AGO2: variants seen among roughly 807,000 people sequenced by gnomAD.
The protein encoded by AGO2 is protein argonaute-2.
A neutral mutation model predicts 102.3 loss-of-function variants in AGO2; 5 were observed. The observed-to-expected ratio is 0.05, with a 90% CI of 0.03 to 0.10. AGO2 has a LOEUF of 0.10. AGO2 is among the 10% of genes least tolerant of loss of function. The probability of loss-of-function intolerance (pLI) is 1.00; values close to 1 mark genes in which losing one functional copy is unlikely to be tolerated. For synonymous variants in AGO2, 449 were observed against 473.1 expected (o/e 0.95, Z 0.66); for missense variants, 541 against 1,183.7 (o/e 0.46, Z 7.97).
At position 140,531,269 on chromosome 8, in the gene AGO2, T is replaced by C. The variant is rs2072590452; in HGVS notation, c.*775A>G. The C allele has an allele frequency of 6.5e-6, 1 of 152,686 alleles. No individual in the cohort carries two copies. The highest frequency in any genetic ancestry group is 2.4e-5 in the African/African-American group (1 of 41,470). The allele number at this position is 152,686 out of a possible 1,614,324, so 9.5% of individuals were successfully genotyped here. ...ACAGACCCGTATTCTTTAAAAACTT[T>C]GGAAAATAAATGTCACAGTCCTATA... On this transcript the variant is annotated 3_prime_UTR_variant, in exon 19 of 19. Transcript: ENST00000220592.
intron 1 of AGO2, among the ~76,000 whole-genome samples, chr8:140,593,470 G>A (rs967101126): frequency 1.3e-5 from 2 of 150,788 alleles, no homozygotes; most frequent in Admixed American, 6.6e-5. Context: ...GGGATTACAG[G>A]TGTGAGCCAC....
chr8:140,535,641 G>A (rs939413717), intron 16 of AGO2, 72 bp from the exon 17 acceptor site: 34 of 1,456,260 alleles, frequency 2.3e-5, no homozygotes, highest in East Asian at 2.3e-4. Flanking sequence ...CCAGGCAGCC[G>A]CGCCGCCCGC....
Position 140,573,010 on chromosome 8 carries a change from T to TA in AGO2, c.216-79_216-78insT, listed in dbSNP as rs1491102995. The TA allele has an allele frequency of 4.7e-4, 10 of 21,272 alleles. No individual in the cohort carries two copies. In the African/African-American group the frequency reaches 7.7e-3, roughly 16 times the overall value. The allele number at this position is 21,272 out of a possible 1,614,324, so 1.3% of individuals were successfully genotyped here. On this transcript the variant is annotated intron_variant, in intron 2 of 18. Transcript: ENST00000220592. Reference sequence around the variant, plus strand: ...ATACAAGGACATTTTTCTGACGCTATTTTTTTTTTTTTTTTTGAGATGGAG... The same window carrying TA: ...ATACAAGGACATTTTTCTGACGCTATATTTTTTTTTTTTTTTTGAGATGGAG...
In AGO2 at chr8:140,539,264, G is replaced by A; in HGVS notation, c.2169+56C>T. ...CAGGTTCTCTTGTGAGTGTGCTCGG[G>A]GTGTGGGGCTGAGGGGAGAACCGTG... On this transcript the variant is annotated intron_variant, in intron 16 of 18. Coordinates refer to ENST00000220592, the MANE Select transcript of AGO2 (RefSeq NM_012154.5). This position sits in a 1 kb window ranked among gnomAD's most constrained non-coding sequence, Gnocchi z 4.7. The A allele has an allele frequency of 1.9e-6, 3 of 1,548,800 alleles. No individual in the cohort carries two copies. The highest frequency in any genetic ancestry group is 2.6e-6 in the Non-Finnish European group (3 of 1,145,640).
rs779967577 is a variant in AGO2, at chr8:140,585,153, T to C, written c.181A>G (p.Ile61Val). The part of the protein sequence containing the change: ...KIDIYHYELD[I>V]KPEKCPRRVN... ...CTCCTCGGGCACTTCTCTGGCTTGA[T>C]ATCCAATTCATAATGATAGATGTCA... The change falls in exon 2 of 19, where the codon ATC becomes GTC. Residue 61 changes from isoleucine (I) to valine (V), a missense_variant. Coordinates refer to ENST00000220592, the MANE Select transcript of AGO2 (RefSeq NM_012154.5). The C allele has an allele frequency of 3.6e-5, 58 of 1,614,108 alleles. No homozygotes were observed. The highest frequency in any genetic ancestry group is 4.7e-5 in the Non-Finnish European group (56 of 1,180,038).
chr8:140,568,099 A>C (rs2073317911), intron 3 of AGO2, among the ~76,000 whole-genome samples: 1 of 95,034 alleles, frequency 1.1e-5, no homozygotes, highest in South Asian at 4.8e-4. Flanking sequence ...CTCTACTAAA[A>C]ATACAAAAAA....
Position 140,522,561 on chromosome 8 carries a change from A to AC in AGO2, c.*9482_*9483insG, listed in dbSNP as rs201987591. ...AAAAAAAGAAACATGAAAAAAAAAA[A>AC]AAACCCTGAAAAAGTCGCAAGACTT... On this transcript the variant is annotated 3_prime_UTR_variant, in exon 19 of 19. Transcript: ENST00000220592. 1,111 of 151,042 alleles carry AC rather than the reference A, an allele frequency of 7.4e-3. 14 individuals carry two copies. Among genetic ancestry groups the AC allele is most frequent in the African/African-American group, 0.026 (1,051 of 41,066 alleles). 9.4% of individuals were successfully genotyped at this position (151,042 alleles called of 1,614,324 possible). A position where few individuals can be genotyped will look rare whatever the true frequency, so the allele number is the denominator to read the frequency against.
rs566947545 is a variant in AGO2 at position 140,604,760 on chromosome 8, G to A, written c.23-19449C>T. ...GAGAATGGAGTGAACCTGGGAGGTG[G>A]AGCTTGCAGTGAGCCGAGGTCGCGC... is the stretch of plus-strand genomic sequence containing the variant. On this transcript the variant is annotated intron_variant, in intron 1 of 18. Coordinates refer to ENST00000220592, the MANE Select transcript of AGO2 (RefSeq NM_012154.5). 5.4e-3 allele frequency among the ~76,000 whole-genome samples: 828 copies of A among 152,124 alleles called. 7 individuals are homozygous for A. The highest frequency in any genetic ancestry group is 0.019 in the African/African-American group (807 of 41,550).
intron 1 of AGO2, among the ~76,000 whole-genome samples, chr8:140,624,521 A>G (rs1278872455): frequency 6.6e-6 from 1 of 152,240 alleles, no homozygotes; most frequent in African/African-American, 2.4e-5. Context: ...ACGCCGGGCT[A>G]CACCCAGGAG....
intron 1 of AGO2, among the ~76,000 whole-genome samples, chr8:140,596,489 G>A (rs1382746192): frequency 6.6e-6 from 1 of 152,210 alleles, no homozygotes; most frequent in Non-Finnish European, 1.5e-5. Flanking sequence ...AGGCTGAGAT[G>A]GGATAATCAC....
At chr8:140,615,901 C>G (rs780453429) in intron 1 of AGO2, among the ~76,000 whole-genome samples, 1 of 152,236 alleles carries the variant, frequency 6.6e-6, no homozygotes, top group Non-Finnish European at 1.5e-5. Flanking sequence ...GACCAAATAC[C>G]TGCAAAGTCA....
At chr8:140,587,772 A>C (rs543614064) in intron 1 of AGO2, among the ~76,000 whole-genome samples, 3 of 152,212 alleles carry the variant, frequency 2.0e-5, no homozygotes, top group Non-Finnish European at 4.4e-5. Flanking sequence ...GGATGGTTCC[A>C]AAAGGGAATT....
intron 10 of AGO2, among the ~76,000 whole-genome samples, chr8:140,554,198 G>A (rs1430954833): frequency 1.3e-5 from 2 of 152,230 alleles, no homozygotes; most frequent in Non-Finnish European, 2.9e-5. Flanking sequence ...TGCCCTCCCG[G>A]GGCGTCTCCT....
intron 1 of AGO2, among the ~76,000 whole-genome samples, chr8:140,623,540 C>A (rs942928147): frequency 6.6e-6 from 1 of 152,174 alleles, no homozygotes. Context: ...CGGCTGGACA[C>A]GGGTCACACC....
chr8:140,567,333 GCTCTCC>G lies in AGO2; in HGVS notation c.337-4705_337-4700del, dbSNP rs1224439908. Among the ~76,000 whole-genome samples, 1 of 152,254 alleles carries G rather than the reference GCTCTCC, an allele frequency of 6.6e-6. No homozygotes were observed. The highest frequency in any genetic ancestry group is 2.4e-5 in the African/African-American group (1 of 41,474). ...ACGCCACGAGGGCAGGAGGCACATG[GCTCTCC>G]AAGGGACAGGCACCGTGTGCGTCTG... On this transcript the variant is annotated intron_variant, in intron 3 of 18. Transcript: ENST00000220592. The surrounding 1 kb of genome is among the most constrained non-coding windows in gnomAD (Gnocchi z 5.0).
At chr8:140,573,622 C>T (rs369933498) in intron 2 of AGO2, among the ~76,000 whole-genome samples, 63 of 152,328 alleles carry the variant, frequency 4.1e-4, no homozygotes, top group African/African-American at 1.5e-3. Flanking sequence ...ACCTGATACG[C>T]GCTGGGCACT....
upstream of AGO2, chr8:140,636,850 A>C (rs2074413784): frequency 6.6e-6 from 1 of 152,296 alleles, no homozygotes; most frequent in East Asian, 1.9e-4. Flanking sequence ...ACTGCATGGC[A>C]CTGAATACCC....
At chr8:140,598,350 A>G (rs1271896729) in intron 1 of AGO2, among the ~76,000 whole-genome samples, 1 of 152,262 alleles carries the variant, frequency 6.6e-6, no homozygotes. Context: ...GCGTTCCGTT[A>G]CTTGAGGAAA....
At chr8:140,549,514 A>G (rs1371036662) in intron 11 of AGO2, among the ~76,000 whole-genome samples, 1 of 152,286 alleles carries the variant, frequency 6.6e-6, no homozygotes, top group East Asian at 1.9e-4. Context: ...CTAAACATAC[A>G]TGTAACATGT....
Sources: allele counts gnomAD v4.1 joint callset (sites outside exome capture counted in the v4.1 genomes callset), GRCh38; gene constraint gnomAD v4.1.1; non-coding constraint Gnocchi (gnomAD v3.1); transcripts MANE v1.5; gene names NCBI Gene and HGNC (gene_info 2026-07-23, HGNC 2026-07-21).